SUGCT: variants seen among roughly 807,000 people sequenced by gnomAD.
The protein encoded by SUGCT is succinyl-CoA:glutarate-CoA transferase.
SUGCT carries 41 observed loss-of-function variants against 55.0 expected under a neutral mutation model. The observed-to-expected ratio is 0.74, with a 90% CI of 0.58 to 0.97. The LOEUF (loss-of-function observed/expected upper bound fraction) is 0.97. Among genes scored for constraint, SUGCT ranks in the 50% least tolerant of loss-of-function variants. The pLI is 0.00. For missense variants in SUGCT, 568 were observed against 547.8 expected (o/e 1.04, Z -0.37); for synonymous variants, 187 against 200.4 (o/e 0.93, Z 0.56).
At chr7:40,767,943 G>A (rs1169336892) in intron 13 of SUGCT, among the ~76,000 whole-genome samples, 1 of 152,156 alleles carries the variant, frequency 6.6e-6, no homozygotes, top group East Asian at 1.9e-4. Context: ...AGGGAAGAAG[G>A]CAGACTTTTC....
At chr7:40,833,808 A>C (rs980724042) in intron 13 of SUGCT, among the ~76,000 whole-genome samples, 17 of 152,230 alleles carry the variant, frequency 1.1e-4, no homozygotes, top group Non-Finnish European at 2.1e-4. Context: ...CCTCTCCCAC[A>C]GCAAGTTCAA....
chr7:40,945,024 T>C, the SUGCT span, among the ~76,000 whole-genome samples: 14 of 152,116 alleles, frequency 9.2e-5, no homozygotes, highest in African/African-American at 3.1e-4. Context: ...TTTATTTGTT[T>C]ATTAATTTTT....
intron 13 of SUGCT, among the ~76,000 whole-genome samples, chr7:40,806,635 A>G (rs1489168823): frequency 6.6e-6 from 1 of 152,212 alleles, no homozygotes; most frequent in Non-Finnish European, 1.5e-5. Flanking sequence ...TGATTCTGAA[A>G]TCAGGTTCTA....
In SUGCT at chr7:40,449,344, G is replaced by A. The variant is rs375123333; in HGVS notation, c.874G>A (p.Ala292Thr). The A allele has an allele frequency of 1.2e-6, 2 of 1,610,820 alleles. No individual in the cohort carries two copies. Among genetic ancestry groups the A allele is most frequent in the African/African-American group, 2.7e-5 (2 of 74,964 alleles). The change falls in exon 10 of 14, where the codon GCC becomes ACC. Residue 292 changes from alanine (A) to threonine (T), a missense_variant. Physicochemically the swap from Ala to Thr is moderately conservative, Grantham distance 58. Transcript: ENST00000335693. Reference protein sequence around the residue: ...VVGAGNNQQFATVCKILDLPE... With the variant: ...VVGAGNNQQFTTVCKILDLPE... The stretch of plus-strand genomic sequence containing the variant: ...TGGAGCAGGAAATAACCAGCAGTTT[G>A]CCACCGTCTGCAAGGTAATCTATAA...
At chr7:40,198,032 G>A (rs1329477056) in intron 6 of SUGCT, among the ~76,000 whole-genome samples, 2 of 152,166 alleles carry the variant, frequency 1.3e-5, no homozygotes, top group East Asian at 3.9e-4. Context: ...ATATAATTCA[G>A]TAGTTCTCAG....
At chr7:40,724,373 G>A (rs996817336) in intron 12 of SUGCT, among the ~76,000 whole-genome samples, 13 of 152,104 alleles carry the variant, frequency 8.5e-5, no homozygotes, top group South Asian at 2.1e-4. Context: ...AGACCATCCT[G>A]GCTAACGTGG....
intron 9 of SUGCT, among the ~76,000 whole-genome samples, chr7:40,357,492 G>A (rs922196849): frequency 1.3e-5 from 2 of 152,148 alleles, no homozygotes; most frequent in Admixed American, 6.5e-5. Context: ...TTGTGTCGCT[G>A]TGATTTGTGG....
intron 9 of SUGCT, among the ~76,000 whole-genome samples, chr7:40,344,427 G>T (rs1286007011): frequency 6.6e-6 from 1 of 152,022 alleles, no homozygotes; most frequent in African/African-American, 2.4e-5. Context: ...TGACCCATGA[G>T]CTACGAATAG....
chr7:40,162,968 G>C (rs966134799), intron 1 of SUGCT, among the ~76,000 whole-genome samples: 2 of 152,140 alleles, frequency 1.3e-5, no homozygotes, highest in Non-Finnish European at 2.9e-5. Context: ...GTACAAATTA[G>C]CCCAATCTCA....
intron 11 of SUGCT, among the ~76,000 whole-genome samples, chr7:40,466,107 A>G (rs554271150): frequency 4.6e-5 from 7 of 152,150 alleles, no homozygotes; most frequent in African/African-American, 1.7e-4. Context: ...GGGTTTCCCT[A>G]TGTTGCTTTG....
At chr7:40,477,667 T>G (rs1025407116) in intron 11 of SUGCT, among the ~76,000 whole-genome samples, 8 of 152,192 alleles carry the variant, frequency 5.3e-5, no homozygotes, top group Non-Finnish European at 8.8e-5. Context: ...AATGGGTAAA[T>G]GTAAAATAGT....
At chr7:40,248,886 T>A (rs1157093091) in intron 7 of SUGCT, among the ~76,000 whole-genome samples, 11 of 111,044 alleles carry the variant, frequency 9.9e-5, no homozygotes, top group African/African-American at 3.6e-4. Context: ...GCGCGCGCGC[T>A]CGCACACACA....
At chr7:40,174,570 C>T (rs564522514) in intron 1 of SUGCT, among the ~76,000 whole-genome samples, 30 of 152,270 alleles carry the variant, frequency 2.0e-4, no homozygotes, top group Non-Finnish European at 3.4e-4. Flanking sequence ...CCCAGAAGGT[C>T]GAGGTTACAG....
chr7:40,245,717 C>T (rs868253270), intron 7 of SUGCT, among the ~76,000 whole-genome samples: 16 of 151,484 alleles, frequency 1.1e-4, no homozygotes, highest in Admixed American at 6.6e-4. Context: ...GGATTACAGG[C>T]GTGAGCCACT....
chr7:40,703,239 T>C (rs1246229667), intron 12 of SUGCT, among the ~76,000 whole-genome samples: 1 of 152,142 alleles, frequency 6.6e-6, no homozygotes, highest in African/African-American at 2.4e-5. Context: ...TAATTTTGTA[T>C]TTTTAGTAAA....
intron 13 of SUGCT, among the ~76,000 whole-genome samples, chr7:40,761,310 C>A (rs993362210): frequency 1.3e-5 from 2 of 152,164 alleles, no homozygotes; most frequent in African/African-American, 4.8e-5. Flanking sequence ...ATGGAGACCA[C>A]GCAGTGTGAA....
chr7:41,000,207 T>A, the SUGCT span, among the ~76,000 whole-genome samples: 1 of 151,866 alleles, frequency 6.6e-6, no homozygotes. Context: ...CTTACACACA[T>A]ACACACACAC....
chr7:40,728,037 G>A (rs1458238266), intron 12 of SUGCT, among the ~76,000 whole-genome samples: 1 of 151,884 alleles, frequency 6.6e-6, no homozygotes, highest in South Asian at 2.1e-4. Flanking sequence ...ATGCATAAAG[G>A]TTTTTTTCTT....
At chr7:40,417,183 G>A (rs1787051380) in intron 9 of SUGCT, among the ~76,000 whole-genome samples, 1 of 151,874 alleles carries the variant, frequency 6.6e-6, no homozygotes, top group Non-Finnish European at 1.5e-5. Flanking sequence ...CTGGCAGCGT[G>A]AATTTTTGAA....
Sources: allele counts gnomAD v4.1 joint callset (sites outside exome capture counted in the v4.1 genomes callset), GRCh38; gene constraint gnomAD v4.1.1; transcripts MANE v1.5; gene names NCBI Gene and HGNC (gene_info 2026-07-23, HGNC 2026-07-21).